EPHX1: variants seen among roughly 807,000 people sequenced by gnomAD.
EPHX1 encodes the protein epoxide hydrolase 1, also known as epoxide hydratase.
EPHX1 carries 40 observed loss-of-function variants against 43.2 expected under a neutral mutation model. That is an observed-to-expected ratio of 0.93 (90% confidence interval 0.72 to 1.21). The LOEUF (loss-of-function observed/expected upper bound fraction) is 1.21, where lower values mean the gene tolerates loss of function less well. Ranked by LOEUF, EPHX1 falls within the 50% of genes most tolerant of loss-of-function variation. The probability of loss-of-function intolerance (pLI) is 0.00; values close to 1 mark genes in which losing one functional copy is unlikely to be tolerated. For synonymous variants in EPHX1, 221 were observed against 226.7 expected (o/e 0.98, Z 0.22); for missense variants, 550 against 570.4 (o/e 0.96, Z 0.36).
chr1:225,831,399 A>T (rs144188117), intron 2 of EPHX1, among the ~76,000 whole-genome samples: 2,409 of 152,204 alleles, frequency 0.016, 73 homozygotes, highest in African/African-American at 0.055. Flanking sequence ...AAATGCAAAA[A>T]TTAGCCGGAC....
intron 5 of EPHX1, 79 bp from the exon 6 acceptor site, chr1:225,839,750 C>G: frequency 6.8e-7 from 1 of 1,465,098 alleles, no homozygotes; most frequent in Middle Eastern, 2.4e-4. Context: ...GCCCTGAGGC[C>G]TGTTCCTCCG....
At chr1:225,834,985 G>A (rs1418511059) in intron 3 of EPHX1, among the ~76,000 whole-genome samples, 1 of 152,218 alleles carries the variant, frequency 6.6e-6, no homozygotes, top group Admixed American at 6.5e-5. Flanking sequence ...TCTGAAGGAG[G>A]AGGCTCTGGG....
intron 1 of EPHX1, 38 bp from the exon 2 acceptor site, chr1:225,828,687 G>A (rs968226156): frequency 1.2e-6 from 2 of 1,609,128 alleles, no homozygotes; most frequent in Non-Finnish European, 8.5e-7. Context: ...GCCGGGCTGG[G>A]CGGGCTCCGT....
At chr1:225,831,634 CCAGTGATGTGGGAAA>C in intron 2 of EPHX1, 130 bp from the exon 3 acceptor site, 2 of 738,364 alleles carry the variant, frequency 2.7e-6, no homozygotes, top group Non-Finnish European at 2.4e-6. Context: ...TTGGGAGTAG[CCAGTGATGTGGGAAA>C]CTGCCTTGCC....
intron 7 of EPHX1, 61 bp from the exon 8 acceptor site, chr1:225,844,437 G>A (rs111455704): frequency 2.5e-6 from 4 of 1,613,422 alleles, no homozygotes; most frequent in African/African-American, 2.7e-5. Context: ...CTTTCTGGCT[G>A]CCCTTTGTCA....
Position 225,842,415 on chromosome 1 carries a change from G to A in EPHX1, c.981G>A (p.Glu327=), listed in dbSNP as rs769384514. ...SPVGLAAYIL[E]KFSTWTNTEF... ...TGGGTCTGGCTGCCTATATTCTAGA[G>A]AAGTTTTCCACCTGGACCAATACGG... The change falls in exon 7 of 9, where the codon GAG becomes GAA. Residue 327 remains glutamate, a synonymous_variant. Coordinates refer to ENST00000272167, the MANE Select transcript of EPHX1 (RefSeq NM_001136018.4). 5 of 1,614,200 alleles carry A rather than the reference G, an allele frequency of 3.1e-6. No homozygotes were observed. Among genetic ancestry groups the A allele is most frequent in the Non-Finnish European group, 4.2e-6 (5 of 1,180,012 alleles).
chr1:225,844,764 C>A, intron 8 of EPHX1, 141 bp downstream of exon 8: 1 of 1,373,116 alleles, frequency 7.3e-7, no homozygotes, highest in Non-Finnish European at 9.9e-7. Context: ...TGGATGGGAA[C>A]ACTAAAGGTC....
chr1:225,812,527 T>C (rs1247407032), intron 1 of EPHX1, among the ~76,000 whole-genome samples: 3 of 152,168 alleles, frequency 2.0e-5, no homozygotes, highest in Admixed American at 6.5e-5. Context: ...CCTGATGTCT[T>C]AAGCATAACT....
At chr1:225,822,491 T>C (rs944938013) in intron 1 of EPHX1, among the ~76,000 whole-genome samples, 34 of 152,182 alleles carry the variant, frequency 2.2e-4, no homozygotes, top group African/African-American at 8.2e-4. Flanking sequence ...GAAGCTCTGA[T>C]TTCAGGTGCT....
intron 3 of EPHX1, among the ~76,000 whole-genome samples, chr1:225,832,683 T>C (rs1667680281): frequency 6.6e-6 from 1 of 152,242 alleles, no homozygotes; most frequent in South Asian, 2.1e-4. Flanking sequence ...TGCCTCAGAA[T>C]CCCGATTCTC....
At position 225,845,375 on chromosome 1, in the gene EPHX1, TC is replaced by T; in HGVS notation, c.*34del. The T allele has an allele frequency of 7.1e-7, 1 of 1,412,990 alleles. No individual in the cohort carries two copies. Among genetic ancestry groups the T allele is most frequent in the African/African-American group, 2.2e-5 (1 of 44,446 alleles). The allele number at this position is 1,412,990 out of a possible 1,614,324, so 87.5% of individuals were successfully genotyped here. A position where few individuals can be genotyped will look rare whatever the true frequency, so the allele number is the denominator to read the frequency against. On this transcript the variant is annotated 3_prime_UTR_variant, in exon 9 of 9. Transcript: ENST00000272167. ...CACCCCTCTCCCCCCGCCTGCCACC[TC>T]CCCCCACAAGTGCCCTCCAGGCTTT...
At chr1:225,822,816 C>A (rs1002574705) in intron 1 of EPHX1, among the ~76,000 whole-genome samples, 1 of 152,202 alleles carries the variant, frequency 6.6e-6, no homozygotes, top group African/African-American at 2.4e-5. Flanking sequence ...CCTCCCAAAT[C>A]ATGTCCTTGG....
chr1:225,812,888 C>G (rs1030231108), intron 1 of EPHX1, among the ~76,000 whole-genome samples: 5 of 152,172 alleles, frequency 3.3e-5, no homozygotes, highest in South Asian at 4.1e-4. Flanking sequence ...TGAAAACCCA[C>G]CTCTGCTAGG....
Position 225,845,557 on chromosome 1 carries a change from T to C in EPHX1, c.*210T>C, listed in dbSNP as rs1668907062. On this transcript the variant is annotated 3_prime_UTR_variant, in exon 9 of 9. Transcript: ENST00000272167. ...TGGCTTTGATGATAAACGACTTTAC[T>C]CTAAAAGCGGCTGGAACTCAGTGAC... is the stretch of plus-strand genomic sequence containing the variant. 1 of 611,516 alleles carries C rather than the reference T, an allele frequency of 1.6e-6. No individual in the cohort carries two copies. The highest frequency in any genetic ancestry group is 2.9e-5 in the Admixed American group (1 of 34,454). 37.9% of individuals were successfully genotyped at this position (611,516 alleles called of 1,614,324 possible).
rs1186236899 is a variant in EPHX1, at chr1:225,839,270, G to C, written c.646G>C (p.Gly216Arg). 2 of 1,614,106 alleles carry C rather than the reference G, an allele frequency of 1.2e-6. No homozygotes were observed. Among genetic ancestry groups the C allele is most frequent in the African/African-American group, 1.3e-5 (1 of 75,022 alleles). The change falls in exon 5 of 9, where the codon GGC becomes CGC. Residue 216 changes from glycine (G) to arginine (R), a missense_variant. Gly to Arg is a moderately radical substitution (Grantham distance 125). Transcript: ENST00000272167. ...CTTTTACAAGCTGATGCTGCGGCTGGGCTTCCAGGAATTCTACATTCAAGG... is the reference window on the plus strand; with the variant it reads ...CTTTTACAAGCTGATGCTGCGGCTGCGCTTCCAGGAATTCTACATTCAAGG... ...RIFYKLMLRL[G>R]FQEFYIQGGD... is the part of the protein sequence containing the mutation.
rs1023512307 is a variant in EPHX1, at chr1:225,817,342, C to G, written c.-6+7173C>G. ...CCTGGGAGCCCCAAGGCTTGGGTAG[C>G]TGCTGACAGGGAGTTCACAGCAGGA... On this transcript the variant is annotated intron_variant, in intron 1 of 8. Coordinates refer to ENST00000272167, the MANE Select transcript of EPHX1 (RefSeq NM_001136018.4). The surrounding 1 kb of genome is among the most constrained non-coding windows in gnomAD (Gnocchi z 5.7). 3.3e-5 allele frequency among the ~76,000 whole-genome samples: 5 copies of G among 152,224 alleles called. No homozygotes were observed. Among genetic ancestry groups the G allele is most frequent in the Admixed American group, 1.3e-4 (2 of 15,276 alleles).
intron 1 of EPHX1, among the ~76,000 whole-genome samples, chr1:225,819,100 G>A (rs1313962767): frequency 1.7e-4 from 3 of 18,054 alleles, no homozygotes; most frequent in Non-Finnish European, 2.5e-4. Flanking sequence ...AGTGGCGGGC[G>A]CCTGTAGTCC....
chr1:225,826,949 G>A (rs183751417), intron 1 of EPHX1, among the ~76,000 whole-genome samples: 24 of 152,172 alleles, frequency 1.6e-4, no homozygotes, highest in African/African-American at 5.5e-4. Context: ...GGAGGTGGGG[G>A]GTGCCAAGCT....
At chr1:225,833,412 G>A (rs1488643561) in intron 3 of EPHX1, among the ~76,000 whole-genome samples, 1 of 152,020 alleles carries the variant, frequency 6.6e-6, no homozygotes, top group African/African-American at 2.4e-5. Context: ...GCTGAGGCAG[G>A]AGGATTGCTT....
Sources: allele counts gnomAD v4.1 joint callset (sites outside exome capture counted in the v4.1 genomes callset), GRCh38; gene constraint gnomAD v4.1.1; non-coding constraint Gnocchi (gnomAD v3.1); transcripts MANE v1.5; gene names NCBI Gene and HGNC (gene_info 2026-07-23, HGNC 2026-07-21).